Variants in IL31RA observed in about 807,000 individuals in gnomAD.
IL31RA encodes the protein interleukin-31 receptor subunit alpha.
A neutral mutation model predicts 83.7 loss-of-function variants in IL31RA; 66 were observed. The observed-to-expected ratio is 0.79, with a 90% CI of 0.65 to 0.97. The LOEUF is 0.97. IL31RA is among the 50% of genes least tolerant of loss of function. The pLI, the probability that IL31RA is intolerant of heterozygous loss-of-function variation, is 0.00. For synonymous variants in IL31RA, 325 were observed against 329.0 expected (o/e 0.99, Z 0.13); for missense variants, 798 against 919.4 (o/e 0.87, Z 1.71).
chr5:55,886,268 C>CTTGCTTTTTTTTTTTTTTTTTTTTTTTT (rs1235138364), intron 5 of IL31RA, among the ~76,000 whole-genome samples: 6 of 71,506 alleles, frequency 8.4e-5, no homozygotes, highest in Non-Finnish European at 9.7e-5. Context: ...TGCTTGCTTG[C>CTTGCTTTTTTTTTTTTTTTTTTTTTTTT]TTTTTTTTTT....
At chr5:55,910,045 C>G in intron 11 of IL31RA, among the ~76,000 whole-genome samples, 1 of 152,082 alleles carries the variant, frequency 6.6e-6, no homozygotes, top group East Asian at 1.9e-4. Context: ...TATTTTTCAT[C>G]TTTTTTCTTA....
Position 55,916,820 on chromosome 5 carries a change from AG to A in IL31RA, c.1999del (p.Glu667LysfsTer6), listed in dbSNP as rs1749814030. 3 of 1,614,054 alleles carry A rather than the reference AG, an allele frequency of 1.9e-6. No individual in the cohort carries two copies. The African/African-American group carries it at 4.0e-5, about 22-fold the overall frequency. On this transcript the variant is annotated frameshift_variant, in exon 15 of 15. Coordinates refer to ENST00000652347, the MANE Select transcript of IL31RA (RefSeq NM_139017.7). LOFTEE classifies it low-confidence loss of function (END_TRUNC). ...ARTGQENNLG[G>X]EKNGYVTCPF... ...GAACGGGTCAGGAAAACAATTTAGG[AG>A]GGGAAAAGAATGGGTATGTGACCTG...
rs751897760 is a variant in IL31RA, at chr5:55,908,443, C to A, written c.1501+32C>A. On this transcript the variant is annotated intron_variant, in intron 11 of 14. Transcript: ENST00000652347. ...ACGCCCATAGCGAAGTGGAAAAAAACCCCAAGCCCCAGATAGATGCTATGG... is the reference window on the plus strand; with the variant it reads ...ACGCCCATAGCGAAGTGGAAAAAAAACCCAAGCCCCAGATAGATGCTATGG... 4 of 1,614,076 alleles carry A rather than the reference C, an allele frequency of 2.5e-6. No homozygotes were observed. In the African/African-American group the frequency reaches 4.0e-5, roughly 16 times the overall value.
the IL31RA span, among the ~76,000 whole-genome samples, chr5:55,841,692 A>C: frequency 6.6e-6 from 1 of 152,188 alleles, no homozygotes; most frequent in Non-Finnish European, 1.5e-5. Flanking sequence ...TTTGTTTCAC[A>C]TTCCCATGTG....
chr5:55,847,238 A>AAAT (rs1554083142), upstream of IL31RA, among the ~76,000 whole-genome samples: 76 of 15,490 alleles, frequency 4.9e-3, 1 homozygote, highest in African/African-American at 0.03. Context: ...AAAAAAAAAA[A>AAAT]AAATAAAAAT....
chr5:55,896,817 C>T (rs1407340169), intron 7 of IL31RA, among the ~76,000 whole-genome samples: 8 of 68,198 alleles, frequency 1.2e-4, no homozygotes, highest in Admixed American at 1.8e-4. Context: ...CCCTCCCCAC[C>T]GCCGCCTTTC....
At chr5:55,885,934 C>A (rs1225727743) in intron 5 of IL31RA, among the ~76,000 whole-genome samples, 2 of 152,152 alleles carry the variant, frequency 1.3e-5, no homozygotes, top group Non-Finnish European at 2.9e-5. Context: ...GCTATAAACC[C>A]TTAATTCCTT....
intron 7 of IL31RA, among the ~76,000 whole-genome samples, chr5:55,897,763 A>G (rs1421112731): frequency 1.3e-5 from 2 of 152,132 alleles, no homozygotes; most frequent in African/African-American, 4.8e-5. Context: ...AAAAGGGCAG[A>G]TGGAGAAAAA....
At chr5:55,849,575 C>T (rs562982307), upstream of IL31RA, among the ~76,000 whole-genome samples, 63 of 152,222 alleles carry the variant, frequency 4.1e-4, no homozygotes, top group Middle Eastern at 3.4e-3. Flanking sequence ...CTTACTGAGC[C>T]GATTACTCAT....
chr5:55,908,879 C>A (rs1749329343), intron 11 of IL31RA: 4 of 1,313,258 alleles, frequency 3.0e-6, no homozygotes, highest in Non-Finnish European at 3.9e-6. Context: ...ATAATTTTTT[C>A]TTATGGTAAA....
At chr5:55,877,793 G>A (rs1049297816) in intron 4 of IL31RA, among the ~76,000 whole-genome samples, 1 of 152,156 alleles carries the variant, frequency 6.6e-6, no homozygotes, top group African/African-American at 2.4e-5. Context: ...GTTGTAATGT[G>A]TCTTAGTGTG....
At chr5:55,853,581 C>A (rs906600715) in intron 1 of IL31RA, 1 of 1,549,528 alleles carries the variant, frequency 6.5e-7, no homozygotes, top group African/African-American at 1.4e-5. Context: ...AGTGCTAATT[C>A]ATTTAGAAGA....
chr5:55,853,115 C>T (rs1353859469), intron 1 of IL31RA, among the ~76,000 whole-genome samples: 1 of 152,168 alleles, frequency 6.6e-6, no homozygotes, highest in African/African-American at 2.4e-5. Context: ...CCTTCATCTC[C>T]TTCATTGTCT....
chr5:55,867,159 G>GTGTGCA (rs1346797842), intron 2 of IL31RA, among the ~76,000 whole-genome samples: 41 of 90,874 alleles, frequency 4.5e-4, no homozygotes, highest in African/African-American at 1.9e-3. Flanking sequence ...ATGTGTGTTT[G>GTGTGCA]TGTGTGTGCA....
intron 4 of IL31RA, among the ~76,000 whole-genome samples, chr5:55,881,609 G>A (rs1231429079): frequency 6.6e-6 from 1 of 150,508 alleles, no homozygotes; most frequent in Admixed American, 6.6e-5. Context: ...CAACTGAGGC[G>A]TTCTTCCCTT....
At position 55,859,388 on chromosome 5, in the gene IL31RA, C is replaced by T. The variant is rs543781215; in HGVS notation, c.64-121C>T. 5.3e-5 allele frequency: 40 copies of T among 751,760 alleles called. No individual in the cohort carries two copies. The African/African-American group carries it at 5.9e-4, about 11-fold the overall frequency. 46.6% of individuals were successfully genotyped at this position (751,760 alleles called of 1,614,324 possible). The stretch of plus-strand genomic sequence containing the variant: ...GAAGGATCTAGGTGATGATAGTCAA[C>T]AAATAAAATAAAATAGGATCCTTCC... On this transcript the variant is annotated intron_variant, in intron 1 of 14. Transcript: ENST00000652347.
intron 1 of IL31RA, chr5:55,853,658 G>A: frequency 7.5e-7 from 1 of 1,336,244 alleles, no homozygotes; most frequent in Non-Finnish European, 1.0e-6. Context: ...TGAAATTATG[G>A]GTCAGACCCA....
chr5:55,891,900 C>G (rs58305521), intron 6 of IL31RA, among the ~76,000 whole-genome samples: 1 of 151,008 alleles, frequency 6.6e-6, no homozygotes, highest in South Asian at 2.1e-4. Context: ...CTCAGCCTCC[C>G]GAGTTGCTGG....
rs1167028224 is a variant in IL31RA at position 55,920,783 on chromosome 5, T to G, written c.*3663T>G. ...CTTTGAAGGGTGCACACACACTTAC[T>G]GGTTCCCCACCAGCCCTCCTAAATT... On this transcript the variant is annotated 3_prime_UTR_variant, in exon 15 of 15. Transcript: ENST00000652347. Among the ~76,000 whole-genome samples, 1 of 152,244 alleles carries G rather than the reference T, an allele frequency of 6.6e-6. No homozygotes were observed. The highest frequency in any genetic ancestry group is 1.5e-5 in the Non-Finnish European group (1 of 68,044).
Sources: gnomAD v4.1 joint callset for allele counts (sites outside exome capture counted in the v4.1 genomes callset) on GRCh38, gnomAD v4.1.1 for gene constraint, MANE v1.5 for transcripts, NCBI Gene and HGNC (gene_info 2026-07-23, HGNC 2026-07-21) for gene names.